The following SOX6 variants were observed in gnomAD, a reference collection of about 807,000 sequenced individuals.
SOX6 encodes transcription factor SOX-6.
SOX6 carries 11 observed loss-of-function variants against 97.8 expected under a neutral mutation model. The ratio of observed to expected loss-of-function variants is 0.11; its 90% confidence interval spans 0.07 to 0.19. The LOEUF (loss-of-function observed/expected upper bound fraction) is 0.19. Ranked by LOEUF, SOX6 falls within the 10% of genes least tolerant of loss-of-function variation. The pLI is 1.00. For synonymous variants in SOX6, 360 were observed against 371.4 expected, an observed-to-expected ratio of 0.97 and a Z score of 0.35; for missense variants, 810 against 1,039.5, an observed-to-expected ratio of 0.78 and a Z score of 3.04.
At chr11:16,629,186 G>A (rs966649235) in intron 3 of SOX6, among the ~76,000 whole-genome samples, 4 of 152,166 alleles carry the variant, frequency 2.6e-5, no homozygotes, top group African/African-American at 9.7e-5. Context: ...TTCTCAAGGG[G>A]AATGCTTTTA....
At chr11:16,233,733 G>A (rs1852927096) in intron 4 of SOX6, among the ~76,000 whole-genome samples, 1 of 152,012 alleles carries the variant, frequency 6.6e-6, no homozygotes, top group African/African-American at 2.4e-5. Context: ...AAACAGGCCC[G>A]GTGCGGTGAC....
chr11:16,413,546 G>C (rs1209765355), intron 1 of SOX6, among the ~76,000 whole-genome samples: 1 of 111,766 alleles, frequency 8.9e-6, no homozygotes. Flanking sequence ...TTTAGATGGA[G>C]TTTCACTCTT....
chr11:16,116,452 T>C (rs1261839527), intron 6 of SOX6, among the ~76,000 whole-genome samples: 1 of 152,164 alleles, frequency 6.6e-6, no homozygotes, highest in East Asian at 1.9e-4. Flanking sequence ...TCATATTACA[T>C]TAAGCATGAA....
upstream of SOX6, among the ~76,000 whole-genome samples, chr11:16,477,445 T>A (rs183561628): frequency 6.6e-6 from 1 of 152,326 alleles, no homozygotes; most frequent in East Asian, 1.9e-4. Context: ...GGTATAGGCA[T>A]CTGAAATTAA....
intron 12 of SOX6, among the ~76,000 whole-genome samples, chr11:16,027,635 T>G (rs1855248896): frequency 6.6e-6 from 1 of 152,180 alleles, no homozygotes; most frequent in African/African-American, 2.4e-5. Flanking sequence ...AATTTCCTTA[T>G]CAGGAGGTGA....
chr11:16,416,334 G>A (rs181882435), intron 1 of SOX6, among the ~76,000 whole-genome samples: 1 of 152,200 alleles, frequency 6.6e-6, no homozygotes, highest in African/African-American at 2.4e-5. Context: ...CAACAGATAG[G>A]CACAGAATTT....
chr11:16,381,864 T>C (rs1186506160), intron 1 of SOX6, among the ~76,000 whole-genome samples: 3 of 151,750 alleles, frequency 2.0e-5, no homozygotes, highest in Non-Finnish European at 4.4e-5. Context: ...TAAAAATAAA[T>C]GTTTAGACAT....
chr11:16,734,461 T>C (rs1848376208), intron 2 of SOX6, among the ~76,000 whole-genome samples: 1 of 152,222 alleles, frequency 6.6e-6, no homozygotes, highest in South Asian at 2.1e-4. Flanking sequence ...GTCTACCTTC[T>C]AACCTCAGGC....
chr11:16,513,067 G>T (rs1303019897), intron 4 of SOX6, among the ~76,000 whole-genome samples: 2 of 152,162 alleles, frequency 1.3e-5, no homozygotes, highest in East Asian at 3.9e-4. Context: ...CATACTGAAA[G>T]AAAAACTCAC....
At chr11:16,714,981 T>G (rs1848209712) in intron 2 of SOX6, 1 of 152,210 alleles carries the variant, frequency 6.6e-6, no homozygotes. Context: ...AAAAATCCTG[T>G]GTCAAACATA....
At chr11:16,443,830 T>A (rs983129475) in intron 1 of SOX6, among the ~76,000 whole-genome samples, 1 of 152,050 alleles carries the variant, frequency 6.6e-6, no homozygotes, top group Non-Finnish European at 1.5e-5. Context: ...CTGGCCAACA[T>A]GATGGAACCC....
At position 16,376,168 on chromosome 11, in the gene SOX6, A is replaced by G. The variant is rs149434016; in HGVS notation, c.-4-34916T>C. Among the ~76,000 whole-genome samples the G allele has an allele frequency of 9.7e-4, 147 of 152,276 alleles. 1 individual carries two copies. Among genetic ancestry groups the G allele is most frequent in the African/African-American group, 3.5e-3 (145 of 41,574 alleles). ...ATTCTGCACATGTATCCCAGAACTT[A>G]AAGTATAATGATAATAATAATTAAA... On this transcript the variant is annotated intron_variant, in intron 1 of 15. Coordinates refer to the SOX6 transcript ENST00000396356.
chr11:16,611,169 G>A (rs1018692492), intron 4 of SOX6, among the ~76,000 whole-genome samples: 1 of 152,254 alleles, frequency 6.6e-6, no homozygotes, highest in African/African-American at 2.4e-5. Flanking sequence ...CAAAAGGAAA[G>A]GCGCGCACGG....
In SOX6 at chr11:16,532,627, T is replaced by C. The variant is rs559594074; in HGVS notation, n.610-56239A>G. 2.6e-5 allele frequency among the ~76,000 whole-genome samples: 4 copies of C among 151,962 alleles called. No individual in the cohort carries two copies. In the South Asian group the frequency reaches 8.3e-4, roughly 31 times the overall value. ...TAAAATAACAATGTATACTCCAGAG[T>C]AATTGAAGGAAAATACTTTATAAAA... is the stretch of plus-strand genomic sequence containing the variant. On this transcript the variant is annotated intron_variant and non_coding_transcript_variant, in intron 4 of 5. Transcript: ENST00000524520.
chr11:16,393,767 G>T (rs1422372051), intron 1 of SOX6, among the ~76,000 whole-genome samples: 1 of 152,006 alleles, frequency 6.6e-6, no homozygotes, highest in Non-Finnish European at 1.5e-5. Flanking sequence ...AACCATCTCA[G>T]TTCCATATGC....
At chr11:16,287,033 G>GT (rs1382509275) in intron 3 of SOX6, among the ~76,000 whole-genome samples, 3 of 151,724 alleles carry the variant, frequency 2.0e-5, no homozygotes, top group Admixed American at 6.6e-5. Context: ...AAATTTGACA[G>GT]TTTTTTCAAA....
chr11:16,320,514 T>C (rs1855887058), intron 2 of SOX6, among the ~76,000 whole-genome samples: 1 of 152,106 alleles, frequency 6.6e-6, no homozygotes, highest in African/African-American at 2.4e-5. Flanking sequence ...CATAATGAGA[T>C]TATATTTGTA....
At chr11:16,109,417 C>T (rs1849173604) in intron 7 of SOX6, among the ~76,000 whole-genome samples, 1 of 152,058 alleles carries the variant, frequency 6.6e-6, no homozygotes, top group African/African-American at 2.4e-5. Context: ...CCAGGCTGGT[C>T]TTGAACTCCT....
At chr11:16,062,283 CTATT>C (rs981877273) in intron 9 of SOX6, among the ~76,000 whole-genome samples, 2 of 151,412 alleles carry the variant, frequency 1.3e-5, no homozygotes, top group Admixed American at 1.3e-4. Flanking sequence ...CAAAAAAAAA[CTATT>C]TATTCTAACC....
Sources: gnomAD v4.1 joint callset for allele counts (sites outside exome capture counted in the v4.1 genomes callset) on GRCh38, gnomAD v4.1.1 for gene constraint, MANE v1.5 for transcripts, NCBI Gene and HGNC (gene_info 2026-07-23, HGNC 2026-07-21) for gene names.